ADCY8: variants seen among roughly 807,000 people sequenced by gnomAD.
ADCY8 encodes the protein adenylate cyclase 8.
In ADCY8, 51 loss-of-function variants were observed where a neutral mutation model predicts 119.7. The observed-to-expected ratio is 0.43, with a 90% CI of 0.34 to 0.54. The LOEUF (loss-of-function observed/expected upper bound fraction) is 0.54, where lower values mean the gene tolerates loss of function less well. Ranked by LOEUF, ADCY8 falls within the 20% of genes least tolerant of loss-of-function variation. The pLI, the probability that ADCY8 is intolerant of heterozygous loss-of-function variation, is 0.03. For synonymous variants in ADCY8, 665 were observed against 651.0 expected, an observed-to-expected ratio of 1.02 and a Z score of -0.33; for missense variants, 1,383 against 1,598.8, an observed-to-expected ratio of 0.87 and a Z score of 2.30.
chr8:131,007,729 T>G (rs1377721030), intron 1 of ADCY8, among the ~76,000 whole-genome samples: 3 of 152,234 alleles, frequency 2.0e-5, no homozygotes, highest in Non-Finnish European at 2.9e-5. Flanking sequence ...TTATTTTCTT[T>G]TTGTATATGT....
intron 2 of ADCY8, among the ~76,000 whole-genome samples, chr8:130,971,158 G>A (rs762116628): frequency 1.3e-5 from 2 of 152,176 alleles, no homozygotes; most frequent in Non-Finnish European, 2.9e-5. Flanking sequence ...TCTCTGGTGT[G>A]TTACTGTGTT....
chr8:130,970,883 G>A (rs1323839001), intron 2 of ADCY8, among the ~76,000 whole-genome samples: 4 of 152,196 alleles, frequency 2.6e-5, no homozygotes, highest in Admixed American at 6.5e-5. Context: ...CAGGGACCTG[G>A]AACATGGTGG....
chr8:130,935,162 T>G (rs535530348), intron 5 of ADCY8, among the ~76,000 whole-genome samples: 1 of 152,304 alleles, frequency 6.6e-6, no homozygotes, highest in Admixed American at 6.5e-5. Flanking sequence ...TTTTGGAAAT[T>G]CCTAGTCTCT....
intron 16 of ADCY8, 88 bp from the exon 17 acceptor site, chr8:130,783,893 C>G: frequency 5.3e-6 from 5 of 938,442 alleles, no homozygotes; most frequent in African/African-American, 1.6e-5. Flanking sequence ...ACGTCCTAAC[C>G]CAACCCTACC....
At chr8:130,892,509 C>G (rs1264993735) in intron 7 of ADCY8, 4 of 152,176 alleles carry the variant, frequency 2.6e-5, no homozygotes, top group Non-Finnish European at 5.9e-5. Flanking sequence ...CATTGGAACC[C>G]CACAACCTCA....
At chr8:131,008,886 C>T (rs181373472) in intron 1 of ADCY8, among the ~76,000 whole-genome samples, 10 of 152,228 alleles carry the variant, frequency 6.6e-5, no homozygotes, top group Non-Finnish European at 1.3e-4. Context: ...GTGACCCTTG[C>T]TATGTTTTGG....
intron 1 of ADCY8, among the ~76,000 whole-genome samples, chr8:131,035,118 T>C (rs1376149512): frequency 6.6e-6 from 1 of 152,162 alleles, no homozygotes; most frequent in Non-Finnish European, 1.5e-5. Flanking sequence ...ATACAAACAA[T>C]TGGTTTATGA....
chr8:131,028,549 A>G (rs756042157), intron 1 of ADCY8, among the ~76,000 whole-genome samples: 3 of 132,958 alleles, frequency 2.3e-5, no homozygotes, highest in African/African-American at 3.7e-5. Flanking sequence ...TAATTAGCAG[A>G]AAAAAAAAAA....
At chr8:130,829,315 T>C (rs2130235693) in intron 12 of ADCY8, among the ~76,000 whole-genome samples, 1 of 152,312 alleles carries the variant, frequency 6.6e-6, no homozygotes, top group East Asian at 1.9e-4. Context: ...TGGTTTCTAA[T>C]CTTGTGGCTA....
intron 9 of ADCY8, among the ~76,000 whole-genome samples, chr8:130,852,664 A>G (rs1817571693): frequency 6.6e-6 from 1 of 152,176 alleles, no homozygotes; most frequent in South Asian, 2.1e-4. Flanking sequence ...CATGGCCACC[A>G]CTGCCTGTGG....
At chr8:131,000,043 C>G (rs1822895208) in intron 1 of ADCY8, among the ~76,000 whole-genome samples, 2 of 152,170 alleles carry the variant, frequency 1.3e-5, no homozygotes, top group African/African-American at 2.4e-5. Context: ...GTGCAGAACA[C>G]TTTACAAAGT....
At chr8:130,967,292 T>C (rs1586614783) in intron 2 of ADCY8, among the ~76,000 whole-genome samples, 2 of 152,340 alleles carry the variant, frequency 1.3e-5, no homozygotes, top group South Asian at 2.1e-4. Context: ...TGTCTATTTG[T>C]TAGTGGTCTA....
intron 9 of ADCY8, among the ~76,000 whole-genome samples, chr8:130,862,040 G>A (rs1422883425): frequency 6.6e-6 from 1 of 152,074 alleles, no homozygotes; most frequent in Non-Finnish European, 1.5e-5. Context: ...TTGGAGCATG[G>A]CGTATGCTTC....
chr8:130,915,913 C>T (rs1047352039), intron 5 of ADCY8, among the ~76,000 whole-genome samples: 1 of 152,142 alleles, frequency 6.6e-6, no homozygotes, highest in African/African-American at 2.4e-5. Flanking sequence ...GATTGGGCCC[C>T]AGTCACCTGG....
intron 7 of ADCY8, among the ~76,000 whole-genome samples, chr8:130,902,241 C>G (rs1314340116): frequency 6.6e-6 from 1 of 152,056 alleles, no homozygotes; most frequent in Non-Finnish European, 1.5e-5. Flanking sequence ...CATACAGACC[C>G]AAGCTAACAA....
chr8:130,942,506 T>A (rs531142378), intron 4 of ADCY8, among the ~76,000 whole-genome samples: 2 of 152,216 alleles, frequency 1.3e-5, no homozygotes, highest in Non-Finnish European at 2.9e-5. Flanking sequence ...TCCTAACACA[T>A]AGCAGCATGT....
intron 8 of ADCY8, among the ~76,000 whole-genome samples, chr8:130,877,119 T>C (rs1818596349): frequency 6.6e-6 from 1 of 152,194 alleles, no homozygotes; most frequent in Non-Finnish European, 1.5e-5. Flanking sequence ...TAGGGCCTGA[T>C]ATGGTAGTAA....
intron 8 of ADCY8, among the ~76,000 whole-genome samples, chr8:130,875,557 C>A (rs1818529678): frequency 6.6e-6 from 1 of 152,162 alleles, no homozygotes. Flanking sequence ...TGCTCGTTAC[C>A]TAATTCCAGA....
Position 130,903,802 on chromosome 8 carries a change from C to T in ADCY8, c.1881G>A (p.Leu627=), listed in dbSNP as rs373131165. The T allele has an allele frequency of 1.9e-6, 3 of 1,612,894 alleles. No homozygotes were observed. The highest frequency in any genetic ancestry group is 1.3e-5 in the African/African-American group (1 of 74,858). The stretch of plus-strand genomic sequence containing the variant: ...GTTTCCCCACGATATTATCAAAGGG[C>T]AGTTCAGGGCTCCAGGATCCTTCAG... ...TFTEGSWSPE[L]PFDNIVGKQN... is the part of the protein sequence containing the mutation. Residue 627 remains leucine, a synonymous_variant, in exon 7 of 18, where the codon CTG becomes CTA. Transcript: ENST00000286355.
Sources: gnomAD v4.1 joint callset for allele counts (sites outside exome capture counted in the v4.1 genomes callset) on GRCh38, gnomAD v4.1.1 for gene constraint, MANE v1.5 for transcripts, NCBI Gene and HGNC (gene_info 2026-07-23, HGNC 2026-07-21) for gene names.